Variants in PRKX observed in about 807,000 individuals in gnomAD.
PRKX encodes protein kinase cAMP-dependent X-linked catalytic subunit, also known as cAMP-dependent protein kinase catalytic subunit PRKX.
PRKX carries 12 observed loss-of-function variants against 22.0 expected under a neutral mutation model. The ratio of observed to expected loss-of-function variants is 0.54; its 90% CI spans 0.35 to 0.88. PRKX has a LOEUF of 0.88. Among genes scored for constraint, PRKX ranks in the 40% least tolerant of loss-of-function variants. The pLI, the probability that PRKX is intolerant of heterozygous loss-of-function variation, is 0.01. For synonymous variants in PRKX, 134 were observed against 137.7 expected, an observed-to-expected ratio of 0.97 and a Z score of 0.19; for missense variants, 217 against 308.0, an observed-to-expected ratio of 0.70 and a Z score of 2.21.
chrX:3,702,217 G>A (rs918471801), intron 1 of PRKX, among the ~76,000 whole-genome samples: 3 of 112,061 alleles, frequency 2.7e-5, no homozygotes, highest in African/African-American at 9.7e-5. Context: ...GGCTTCACAG[G>A]GTCCCCCTCT....
chrX:3,688,165 G>T (rs112698832), intron 1 of PRKX, among the ~76,000 whole-genome samples: 1 of 109,810 alleles, frequency 9.1e-6, no homozygotes, highest in Non-Finnish European at 1.9e-5. Flanking sequence ...GTAAAACCCA[G>T]CTGGGCGCGC....
intron 3 of PRKX, among the ~76,000 whole-genome samples, chrX:3,649,900 G>A (rs1252742539): frequency 9.2e-6 from 1 of 108,780 alleles, no homozygotes; most frequent in African/African-American, 3.4e-5. Context: ...AAAACTTTGG[G>A]GGGCCAAGGT....
chrX:3,703,815 G>A (rs1319704106), intron 1 of PRKX, among the ~76,000 whole-genome samples: 19 of 108,040 alleles, frequency 1.8e-4, no homozygotes, highest in African/African-American at 6.1e-4. Context: ...GGGATGACAG[G>A]CACCCACTAC....
At chrX:3,621,204 G>C (rs1343631821) in intron 6 of PRKX, 55 bp downstream of exon 6, 1 of 1,083,363 alleles carries the variant, frequency 9.2e-7, no homozygotes, top group African/African-American at 1.8e-5. Context: ...GTGGGTGTTA[G>C]ACGGCAGACA....
intron 2 of PRKX, among the ~76,000 whole-genome samples, chrX:3,666,071 C>T (rs1927720377): frequency 9.3e-6 from 1 of 107,763 alleles, no homozygotes; most frequent in Non-Finnish European, 1.9e-5. Flanking sequence ...AGTGCAGCGA[C>T]ACAATCTCAG....
At chrX:3,640,306 G>T (rs1384047929) in intron 4 of PRKX, among the ~76,000 whole-genome samples, 38 of 111,069 alleles carry the variant, frequency 3.4e-4, no homozygotes, top group Non-Finnish European at 6.2e-4. Flanking sequence ...CTTCATCCCA[G>T]AGAGAAGAGC....
intron 1 of PRKX, among the ~76,000 whole-genome samples, chrX:3,684,896 A>C (rs1164341765): frequency 8.9e-6 from 1 of 111,939 alleles, no homozygotes; most frequent in East Asian, 2.8e-4. Context: ...AGCTCACTGC[A>C]ACCTCCACCT....
intron 6 of PRKX, among the ~76,000 whole-genome samples, chrX:3,618,430 C>T (rs1438963728): frequency 9.6e-6 from 1 of 104,109 alleles, no homozygotes; most frequent in Non-Finnish European, 2.0e-5. Context: ...CCAGCCTGGG[C>T]AACACATCAA....
chrX:3,657,022 C>T (rs1012168628), intron 2 of PRKX, among the ~76,000 whole-genome samples: 4 of 111,656 alleles, frequency 3.6e-5, no homozygotes, highest in Admixed American at 2.9e-4. Flanking sequence ...TTCACCCTCA[C>T]GATCTAATCA....
chrX:3,660,672 T>C (rs1220490826), intron 2 of PRKX, among the ~76,000 whole-genome samples: 2 of 111,580 alleles, frequency 1.8e-5, no homozygotes, highest in Admixed American at 9.6e-5. Flanking sequence ...TAATTAACCA[T>C]GGTGGGAGAT....
intron 2 of PRKX, among the ~76,000 whole-genome samples, chrX:3,671,828 A>G (rs1927852187): frequency 9.0e-6 from 1 of 110,734 alleles, no homozygotes; most frequent in Non-Finnish European, 1.9e-5. Context: ...TCTCTACAGA[A>G]AATTTTAAAA....
chrX:3,656,696 G>A (rs1253155220), intron 2 of PRKX, among the ~76,000 whole-genome samples: 6 of 110,803 alleles, frequency 5.4e-5, no homozygotes, highest in African/African-American at 2.0e-4. Context: ...ATGTTAAGAG[G>A]TGTATAATCA....
chrX:3,647,095 T>C (rs1442238578), intron 3 of PRKX, among the ~76,000 whole-genome samples: 5 of 110,932 alleles, frequency 4.5e-5, no homozygotes, highest in Non-Finnish European at 9.4e-5. Flanking sequence ...TCTGGTGTTA[T>C]GAAATATATA....
intron 4 of PRKX, 88 bp from the exon 5 acceptor site, chrX:3,626,602 A>G (rs900194638): frequency 1.4e-6 from 1 of 705,864 alleles, no homozygotes; most frequent in African/African-American, 2.1e-5. Flanking sequence ...TCTGCTTCAC[A>G]CAGGCAGAAG....
chrX:3,623,360 G>T (rs1461650474), intron 5 of PRKX, among the ~76,000 whole-genome samples: 2 of 110,570 alleles, frequency 1.8e-5, no homozygotes, highest in African/African-American at 6.6e-5. Context: ...TTCGAAACCA[G>T]CATGGGCAAC....
At chrX:3,641,731 CTG>C (rs1273791322) in intron 4 of PRKX, 119 bp downstream of exon 4, 1 of 252,824 alleles carries the variant, frequency 4.0e-6, no homozygotes, top group African/African-American at 3.4e-5. Context: ...TGCAGCCACA[CTG>C]TGTGTTTGCG....
intron 1 of PRKX, among the ~76,000 whole-genome samples, chrX:3,705,998 T>C (rs1777706619): frequency 1.5e-5 from 1 of 68,101 alleles, no homozygotes; most frequent in African/African-American, 1.3e-4. Context: ...GGCCGGTTTT[T>C]CTTTAAAAAA....
At chrX:3,646,813 T>A (rs1403548955) in intron 3 of PRKX, among the ~76,000 whole-genome samples, 1 of 110,776 alleles carries the variant, frequency 9.0e-6, no homozygotes. Context: ...ATGGGACAGC[T>A]TCCGATGGCC....
intron 4 of PRKX, among the ~76,000 whole-genome samples, chrX:3,628,960 A>C (rs1926713627): frequency 1.8e-5 from 2 of 110,894 alleles, no homozygotes; most frequent in South Asian, 7.8e-4. Context: ...GAATTGCTTG[A>C]ACCTGAGAGG....
Sources: gnomAD v4.1 joint callset for allele counts (sites outside exome capture counted in the v4.1 genomes callset) on GRCh38, gnomAD v4.1.1 for gene constraint, MANE v1.5 for transcripts, NCBI Gene and HGNC (gene_info 2026-07-23, HGNC 2026-07-21) for gene names.